PDIA5: variants seen among roughly 807,000 people sequenced by gnomAD.
PDIA5 encodes the protein protein disulfide-isomerase A5.
A neutral mutation model predicts 77.6 loss-of-function variants in PDIA5; 58 were observed. That is an observed-to-expected ratio of 0.75 (90% CI 0.61 to 0.93). The LOEUF (loss-of-function observed/expected upper bound fraction) is 0.93, where lower values mean the gene tolerates loss of function less well. Ranked by LOEUF, PDIA5 falls within the 40% of genes least tolerant of loss-of-function variation. The probability of loss-of-function intolerance (pLI) is 0.00; values close to 1 mark genes in which losing one functional copy is unlikely to be tolerated. For missense variants in PDIA5, 630 were observed against 647.7 expected (o/e 0.97, Z 0.30); for synonymous variants, 250 against 252.1 (o/e 0.99, Z 0.08).
Position 123,124,338 on chromosome 3 carries a change from G to A in PDIA5, c.768G>A (p.Leu256=), listed in dbSNP as rs1348975742. Residue 256 remains leucine, a synonymous_variant, in exon 10 of 17, where the codon CTG becomes CTA. Coordinates refer to ENST00000316218, the MANE Select transcript of PDIA5 (RefSeq NM_006810.4). ...CAGCTGAGGACATTGTGGAGTGGCT[G>A]AAGAAGTAAGTGGGGTGTGTGTGTG... is the stretch of plus-strand genomic sequence containing the variant. The part of the protein sequence containing the change: ...GSTAEDIVEW[L]KNPQPPQPQV... 1 of 1,611,762 alleles carries A rather than the reference G, an allele frequency of 6.2e-7. No homozygotes were observed. The highest frequency in any genetic ancestry group is 1.7e-5 in the Admixed American group (1 of 60,028).
At chr3:123,124,410 G>T in intron 10 of PDIA5, 67 bp downstream of exon 10, 1 of 1,123,156 alleles carries the variant, frequency 8.9e-7, no homozygotes, top group Non-Finnish European at 1.4e-6. Context: ...GGGCCTGAGG[G>T]TCGCAGGGCT....
intron 7 of PDIA5, 109 bp downstream of exon 7, chr3:123,111,113 C>A: frequency 1.3e-6 from 1 of 772,972 alleles, no homozygotes; most frequent in Non-Finnish European, 2.3e-6. Flanking sequence ...GGGTGCCTGG[C>A]TTAGAACGCT....
chr3:123,083,878 A>G (rs1934071750), intron 1 of PDIA5, among the ~76,000 whole-genome samples: 1 of 152,096 alleles, frequency 6.6e-6, no homozygotes, highest in Admixed American at 6.5e-5. Context: ...AGTGGAGGAG[A>G]AAGGAGAATG....
At chr3:123,108,560 G>A (rs1286617633) in intron 6 of PDIA5, among the ~76,000 whole-genome samples, 9 of 148,162 alleles carry the variant, frequency 6.1e-5, no homozygotes, top group African/African-American at 1.5e-4. Flanking sequence ...GATTACAGGC[G>A]TGAGCCACTG....
At chr3:123,128,495 T>C (rs887139780) in intron 10 of PDIA5, among the ~76,000 whole-genome samples, 1 of 152,038 alleles carries the variant, frequency 6.6e-6, no homozygotes, top group Non-Finnish European at 1.5e-5. Flanking sequence ...TAATTCAATT[T>C]ATTTTTTATT....
At chr3:123,161,479 C>A (rs769916421) in intron 16 of PDIA5, 24 bp downstream of exon 16, 1 of 1,609,114 alleles carries the variant, frequency 6.2e-7, no homozygotes, top group South Asian at 1.1e-5. Flanking sequence ...AGGCGTCTGC[C>A]CAGAGCTCTC....
At chr3:123,102,569 T>C (rs1477953356) in intron 4 of PDIA5, 75 bp downstream of exon 4, 7 of 1,182,310 alleles carry the variant, frequency 5.9e-6, no homozygotes, top group East Asian at 2.4e-5. Flanking sequence ...CGAACAGCAA[T>C]TTTTAGTTAG....
chr3:123,070,663 G>A (rs1238035060), intron 1 of PDIA5, among the ~76,000 whole-genome samples: 1 of 152,136 alleles, frequency 6.6e-6, no homozygotes, highest in East Asian at 1.9e-4. Flanking sequence ...GGCGATCCCT[G>A]CCGAGCCATG....
chr3:123,096,019 G>A (rs976210978), intron 3 of PDIA5, among the ~76,000 whole-genome samples: 6 of 152,114 alleles, frequency 3.9e-5, no homozygotes, highest in African/African-American at 1.4e-4. Context: ...GTGGGCGTGT[G>A]CCTTCTAGTC....
chr3:123,100,677 C>T (rs1255844063), intron 3 of PDIA5, among the ~76,000 whole-genome samples: 1 of 152,204 alleles, frequency 6.6e-6, no homozygotes, highest in Non-Finnish European at 1.5e-5. Context: ...CCACCACACA[C>T]CTCTCCAGTA....
At chr3:123,128,773 G>T (rs144146712) in intron 10 of PDIA5, among the ~76,000 whole-genome samples, 166 of 152,220 alleles carry the variant, frequency 1.1e-3, no homozygotes, top group African/African-American at 3.8e-3. Context: ...CAAAAGTCTC[G>T]CTTTCACTTC....
At chr3:123,150,141 C>T (rs1935854804) in intron 13 of PDIA5, 93 bp from the exon 14 acceptor site, 4 of 837,396 alleles carry the variant, frequency 4.8e-6, no homozygotes, top group Non-Finnish European at 7.7e-6. Context: ...CATGCATGTT[C>T]CCCCGAGTGG....
rs1935348721 is a variant in PDIA5, at chr3:123,130,556, G to A, written c.850G>A (p.Glu284Lys). 6.2e-7 allele frequency: 1 copy of A among 1,614,054 alleles called. No homozygotes were observed. The highest frequency in any genetic ancestry group is 1.3e-5 in the African/African-American group (1 of 74,930). Reference protein sequence around the residue: ...EGGSVYHLTDEDFDQFVKEHS... With the variant: ...EGGSVYHLTDKDFDQFVKEHS... ...CGGCTCCGTTTATCACCTGACCGAT[G>A]AAGACTTTGACCAGTTTGTGAAGGA... Residue 284 changes from glutamate to lysine, a missense_variant, in exon 11 of 17, where the codon GAA becomes AAA. Coordinates refer to ENST00000316218, the MANE Select transcript of PDIA5 (RefSeq NM_006810.4).
intron 3 of PDIA5, among the ~76,000 whole-genome samples, chr3:123,100,063 C>G (rs1384864114): frequency 6.6e-6 from 1 of 152,224 alleles, no homozygotes; most frequent in Non-Finnish European, 1.5e-5. Context: ...GGCCCCTGCC[C>G]CAGCTGCTGT....
chr3:123,150,086 CTG>C lies in PDIA5; in HGVS notation c.1143-145_1143-144del, dbSNP rs1378021387. 8 of 665,824 alleles carry C rather than the reference CTG, an allele frequency of 1.2e-5. No homozygotes were observed. The Middle Eastern group carries it at 1.7e-3, about 145-fold the overall frequency. 41.2% of individuals were successfully genotyped at this position (665,824 alleles called of 1,614,324 possible). A position where few individuals can be genotyped will look rare whatever the true frequency, so the allele number is the denominator to read the frequency against. ...TGGCACAGATTTGTTTGTGTTTAAA[CTG>C]TGGTTTTAAAATGAAATTTTAGAAG... On this transcript the variant is annotated intron_variant, in intron 13 of 16. Coordinates refer to ENST00000316218, the MANE Select transcript of PDIA5 (RefSeq NM_006810.4).
At chr3:123,100,513 G>T (rs1934562392) in intron 3 of PDIA5, among the ~76,000 whole-genome samples, 1 of 152,156 alleles carries the variant, frequency 6.6e-6, no homozygotes. Flanking sequence ...TTCCTCTCTG[G>T]ATTCCTCATG....
At chr3:123,155,948 G>A (rs560895092) in intron 15 of PDIA5, among the ~76,000 whole-genome samples, 12 of 152,160 alleles carry the variant, frequency 7.9e-5, no homozygotes, top group Admixed American at 2.6e-4. Context: ...AGGCCTAGAC[G>A]GAAGTTCAGC....
chr3:123,157,956 G>C (rs1392835405), intron 15 of PDIA5, among the ~76,000 whole-genome samples: 5 of 152,240 alleles, frequency 3.3e-5, no homozygotes, highest in African/African-American at 1.2e-4. Context: ...GTCACCCTTA[G>C]AGGGAGGCCC....
chr3:123,115,095 G>A (rs1418922375), intron 7 of PDIA5, among the ~76,000 whole-genome samples: 3 of 152,180 alleles, frequency 2.0e-5, no homozygotes, highest in Non-Finnish European at 2.9e-5. Context: ...GCTGCCTGTC[G>A]CCACATGGAC....
Sources: allele counts gnomAD v4.1 joint callset (sites outside exome capture counted in the v4.1 genomes callset), GRCh38; gene constraint gnomAD v4.1.1; transcripts MANE v1.5; gene names NCBI Gene and HGNC (gene_info 2026-07-23, HGNC 2026-07-21).